Variants in KIRREL3 observed in about 807,000 individuals in gnomAD.
The protein encoded by KIRREL3 is kin of IRRE-like protein 3.
A neutral mutation model predicts 89.7 loss-of-function variants in KIRREL3; 36 were observed. The ratio of observed to expected loss-of-function variants is 0.40; its 90% CI spans 0.31 to 0.53. The LOEUF (loss-of-function observed/expected upper bound fraction) is 0.53. Among genes scored for constraint, KIRREL3 ranks in the 20% least tolerant of loss-of-function variants. The pLI is 0.49. For synonymous variants in KIRREL3, 445 were observed against 441.4 expected (o/e 1.01, Z -0.10); for missense variants, 864 against 1,056.6 (o/e 0.82, Z 2.53).
In KIRREL3 at chr11:126,905,071, A is replaced by AG. The variant is rs1946523848; in HGVS notation, c.55+95383dup. On this transcript the variant is annotated intron_variant, in intron 1 of 16. Transcript: ENST00000525144. The surrounding 1 kb of genome is among the most constrained non-coding windows in gnomAD (Gnocchi z 5.0). The stretch of plus-strand genomic sequence containing the variant: ...TGGGTCATTCCCTGGTTTGGCAAAA[A>AG]GGGCGACATGATGGTTGGTGTCTAT... 6.6e-6 allele frequency among the ~76,000 whole-genome samples: 1 copy of AG among 152,160 alleles called. No individual in the cohort carries two copies. The highest frequency in any genetic ancestry group is 2.4e-5 in the African/African-American group (1 of 41,422).
chr11:126,718,303 A>T (rs1221073631), intron 1 of KIRREL3, among the ~76,000 whole-genome samples: 2 of 152,148 alleles, frequency 1.3e-5, no homozygotes, highest in African/African-American at 4.8e-5. Context: ...GGGCTCACTC[A>T]GTGGGAAGCA....
Position 126,981,363 on chromosome 11 carries a change from C to T in KIRREL3, c.55+19092G>A, listed in dbSNP as rs919235723. On this transcript the variant is annotated intron_variant, in intron 1 of 16. Coordinates refer to ENST00000525144, the MANE Select transcript of KIRREL3 (RefSeq NM_032531.4). This position sits in a 1 kb window ranked among gnomAD's most constrained non-coding sequence, Gnocchi z 4.2. ...TCTTATGAGACCCTGAAGAAGGAGG[C>T]TGATGGCCATTGGGCCCACTGACAG... Among the ~76,000 whole-genome samples, 3 of 152,178 alleles carry T rather than the reference C, an allele frequency of 2.0e-5. No individual in the cohort carries two copies. The highest frequency in any genetic ancestry group is 2.9e-5 in the Non-Finnish European group (2 of 68,026).
At position 126,463,734 on chromosome 11, in the gene KIRREL3, C is replaced by T. The variant is rs1956626765; in HGVS notation, c.592-427G>A. ...TTTGCAACCAGCAGGGACTGTGGCC[C>T]CTGAGCGGGGACAGTCTGCAGAGGA... On this transcript the variant is annotated intron_variant, in intron 5 of 16. Coordinates refer to ENST00000525144, the MANE Select transcript of KIRREL3 (RefSeq NM_032531.4). The surrounding 1 kb of genome is among the most constrained non-coding windows in gnomAD (Gnocchi z 5.9). 6.6e-6 allele frequency among the ~76,000 whole-genome samples: 1 copy of T among 152,082 alleles called. No homozygotes were observed. The highest frequency in any genetic ancestry group is 1.5e-5 in the Non-Finnish European group (1 of 68,014).
At chr11:126,584,605 T>G (rs1941726987) in intron 1 of KIRREL3, among the ~76,000 whole-genome samples, 1 of 152,222 alleles carries the variant, frequency 6.6e-6, no homozygotes, top group African/African-American at 2.4e-5. Flanking sequence ...TGGGCTTAAC[T>G]TTCCTCCTCC....
chr11:126,956,396 T>C (rs1489659466), intron 1 of KIRREL3, among the ~76,000 whole-genome samples: 2 of 152,188 alleles, frequency 1.3e-5, no homozygotes, highest in African/African-American at 4.8e-5. Flanking sequence ...AAACTCCCTG[T>C]CTCCTCATAT....
chr11:126,901,273 C>T (rs1011620314), intron 1 of KIRREL3, among the ~76,000 whole-genome samples: 1 of 151,792 alleles, frequency 6.6e-6, no homozygotes, highest in Non-Finnish European at 1.5e-5. Context: ...CACATAGAAC[C>T]TGCTTCAAGT....
rs1162945059 is a variant in KIRREL3 at position 126,557,013 on chromosome 11, C to T, written c.133+5822G>A. Among the ~76,000 whole-genome samples the T allele has an allele frequency of 2.0e-5, 3 of 152,172 alleles. No individual in the cohort carries two copies. Among genetic ancestry groups the T allele is most frequent in the Non-Finnish European group, 2.9e-5 (2 of 68,042 alleles). On this transcript the variant is annotated intron_variant, in intron 2 of 16. Coordinates refer to ENST00000525144, the MANE Select transcript of KIRREL3 (RefSeq NM_032531.4). This position sits in a 1 kb window ranked among gnomAD's most constrained non-coding sequence, Gnocchi z 5.6. ...GGTATTAGCCAACATCCCGGGGGCT[C>T]GGCAGGCAGTGGAGGAATGGGCTCA... is the stretch of plus-strand genomic sequence containing the variant.
chr11:126,705,367 A>T lies in KIRREL3; in HGVS notation c.56-142455T>A, dbSNP rs1227912869. Among the ~76,000 whole-genome samples, 3 of 152,110 alleles carry T rather than the reference A, an allele frequency of 2.0e-5. No individual in the cohort carries two copies. Among genetic ancestry groups the T allele is most frequent in the African/African-American group, 7.2e-5 (3 of 41,416 alleles). Reference sequence around the variant, plus strand: ...ATGGTTTGGCACTAACCTCTTGGTGATAAGTGAGTTGTTGATCAGTTTGTT... The same window carrying T: ...ATGGTTTGGCACTAACCTCTTGGTGTTAAGTGAGTTGTTGATCAGTTTGTT... On this transcript the variant is annotated intron_variant, in intron 1 of 16. Coordinates refer to ENST00000525144, the MANE Select transcript of KIRREL3 (RefSeq NM_032531.4). The surrounding 1 kb of genome is among the most constrained non-coding windows in gnomAD (Gnocchi z 4.3).
intron 4 of KIRREL3, among the ~76,000 whole-genome samples, chr11:126,509,498 T>TA (rs1215375867): frequency 1.3e-5 from 2 of 152,234 alleles, no homozygotes; most frequent in Non-Finnish European, 1.5e-5. Context: ...AGGAAGAACA[T>TA]ATCAGGTTCT....
Position 126,606,806 on chromosome 11 carries a change from T to C in KIRREL3, c.56-43894A>G, listed in dbSNP as rs1462534022. Reference sequence around the variant, plus strand: ...GTGCCATACCTCTACATGCTGGCCTTCTTCTGCACTCTTTTTTTCTTTCTT... The same window carrying C: ...GTGCCATACCTCTACATGCTGGCCTCCTTCTGCACTCTTTTTTTCTTTCTT... On this transcript the variant is annotated intron_variant, in intron 1 of 16. Transcript: ENST00000525144. The surrounding 1 kb of genome is among the most constrained non-coding windows in gnomAD (Gnocchi z 4.6). Among the ~76,000 whole-genome samples the C allele has an allele frequency of 1.3e-5, 2 of 152,146 alleles. No homozygotes were observed. The highest frequency in any genetic ancestry group is 4.8e-5 in the African/African-American group (2 of 41,424).
intron 1 of KIRREL3, among the ~76,000 whole-genome samples, chr11:126,850,794 C>T (rs1944314148): frequency 6.6e-6 from 1 of 152,168 alleles, no homozygotes. Context: ...GTGCAGGGGA[C>T]CTGAGGATAA....
intron 1 of KIRREL3, among the ~76,000 whole-genome samples, chr11:126,760,342 G>A (rs1949631152): frequency 6.6e-6 from 1 of 152,234 alleles, no homozygotes; most frequent in Admixed American, 6.5e-5. Flanking sequence ...AACTCATAGA[G>A]AGAGGAGCCT....
intron 1 of KIRREL3, among the ~76,000 whole-genome samples, chr11:126,937,693 A>T (rs970189179): frequency 6.6e-6 from 1 of 151,726 alleles, no homozygotes; most frequent in Non-Finnish European, 1.5e-5. Flanking sequence ...AGGTCAGGAG[A>T]TCAAGACCAT....
chr11:126,695,424 A>T (rs1947053848), intron 1 of KIRREL3, among the ~76,000 whole-genome samples: 1 of 151,426 alleles, frequency 6.6e-6, no homozygotes, highest in Admixed American at 6.6e-5. Context: ...AAAAAAAAAA[A>T]AAAAAAAGAG....
In KIRREL3 at chr11:126,459,438, C is replaced by T. The variant is rs1956476447; in HGVS notation, c.743-2984G>A. ...CCCGAAGCGATTCACAAGGGTTCCA[C>T]ACTCACTGGCCATATCTGCACCTCC... On this transcript the variant is annotated intron_variant, in intron 6 of 16. Transcript: ENST00000525144. The surrounding 1 kb of genome is among the most constrained non-coding windows in gnomAD (Gnocchi z 4.8). Among the ~76,000 whole-genome samples the T allele has an allele frequency of 6.6e-6, 1 of 152,160 alleles. No homozygotes were observed. The highest frequency in any genetic ancestry group is 1.5e-5 in the Non-Finnish European group (1 of 68,028).
intron 2 of KIRREL3, among the ~76,000 whole-genome samples, chr11:126,559,864 G>A (rs1188873440): frequency 1.3e-5 from 2 of 151,836 alleles, no homozygotes; most frequent in African/African-American, 2.4e-5. Context: ...TGTATTTTTA[G>A]TAGAGACAGG....
In KIRREL3 at chr11:126,455,669, G is replaced by A. The variant is rs914134379; in HGVS notation, c.848+680C>T. ...AAAATTAGCTGGCGTGGTGGCGGGC[G>A]CCTGTAGTCCCAGCTACTTGGGAGG... On this transcript the variant is annotated intron_variant, in intron 7 of 16. Coordinates refer to ENST00000525144, the MANE Select transcript of KIRREL3 (RefSeq NM_032531.4). This position sits in a 1 kb window ranked among gnomAD's most constrained non-coding sequence, Gnocchi z 6.4. 2.0e-5 allele frequency among the ~76,000 whole-genome samples: 3 copies of A among 151,848 alleles called. No homozygotes were observed. Among genetic ancestry groups the A allele is most frequent in the Non-Finnish European group, 2.9e-5 (2 of 67,984 alleles).
intron 1 of KIRREL3, among the ~76,000 whole-genome samples, chr11:126,856,555 GTATATATATATA>G (rs36218965): frequency 2.3e-4 from 31 of 136,736 alleles, no homozygotes; most frequent in Non-Finnish European, 3.1e-4. Context: ...ATTTTTCTAA[GTATATATATATA>G]TATATATATA....
intron 1 of KIRREL3, among the ~76,000 whole-genome samples, chr11:126,690,571 G>A (rs974273554): frequency 6.6e-6 from 1 of 152,074 alleles, no homozygotes; most frequent in African/African-American, 2.4e-5. Context: ...GGTGTCCCTA[G>A]GTAACCATCT....
Sources: allele counts gnomAD v4.1 joint callset (sites outside exome capture counted in the v4.1 genomes callset), GRCh38; gene constraint gnomAD v4.1.1; non-coding constraint Gnocchi (gnomAD v3.1); transcripts MANE v1.5; gene names NCBI Gene and HGNC (gene_info 2026-07-23, HGNC 2026-07-21).